The following NTF3 variants were observed in gnomAD, a reference collection of about 807,000 sequenced individuals.
The protein encoded by NTF3 is neurotrophin-3.
In NTF3, 8 loss-of-function variants were observed where a neutral mutation model predicts 26.3. The ratio of observed to expected loss-of-function variants is 0.30; its 90% CI spans 0.18 to 0.55. The LOEUF is 0.55. NTF3 is among the 20% of genes least tolerant of loss of function. The pLI is 0.93. For missense variants in NTF3, 276 were observed against 352.9 expected, an observed-to-expected ratio of 0.78 and a Z score of 1.75; for synonymous variants, 154 against 145.5, an observed-to-expected ratio of 1.06 and a Z score of -0.42.
chr12:5,470,778 C>T (rs1940654974), intron 1 of NTF3, among the ~76,000 whole-genome samples: 1 of 152,236 alleles, frequency 6.6e-6, no homozygotes, highest in Non-Finnish European at 1.5e-5. Context: ...GAGCATTCCC[C>T]TTATCTATGA....
chr12:5,488,031 G>A (rs192832046), intron 1 of NTF3, among the ~76,000 whole-genome samples: 3 of 152,254 alleles, frequency 2.0e-5, no homozygotes, highest in African/African-American at 7.2e-5. Flanking sequence ...GCCACTACCC[G>A]AGAGGTGTGC....
intron 1 of NTF3, among the ~76,000 whole-genome samples, chr12:5,468,412 A>G (rs1004445347): frequency 6.6e-6 from 1 of 152,146 alleles, no homozygotes; most frequent in African/African-American, 2.4e-5. Context: ...TGGGCCAAAA[A>G]CTAGTTATCA....
chr12:5,490,589 C>G (rs1940923548), intron 1 of NTF3, among the ~76,000 whole-genome samples: 1 of 152,186 alleles, frequency 6.6e-6, no homozygotes, highest in Non-Finnish European at 1.5e-5. Context: ...GACTCCCACC[C>G]CGGACATGGA....
intron 1 of NTF3, among the ~76,000 whole-genome samples, chr12:5,472,689 C>T (rs1403253637): frequency 2.6e-5 from 4 of 152,160 alleles, no homozygotes; most frequent in Non-Finnish European, 4.4e-5. Flanking sequence ...CTGCTGGTCT[C>T]TCTTCTCATT....
rs1940566693 is a variant in NTF3, at chr12:5,464,655, G to A, written c.19-29539G>A. ...ACTAACTGCTGAAGGTGAGTGTGAT[G>A]CAGGGCCAAGCTTCAGAACCTCTGA... On this transcript the variant is annotated intron_variant, in intron 1 of 1. Transcript: ENST00000423158. 2.6e-5 allele frequency among the ~76,000 whole-genome samples: 4 copies of A among 152,210 alleles called. 1 individual carries two copies. Among genetic ancestry groups the A allele is most frequent in the Admixed American group, 2.0e-4 (3 of 15,286 alleles).
chr12:5,432,068 C>T (rs964266497), upstream of NTF3: 6 of 461,354 alleles, frequency 1.3e-5, no homozygotes, highest in Admixed American at 3.2e-5. Context: ...GCCATCTGGC[C>T]GGGTTGGCTG....
At chr12:5,463,713 G>A (rs183931185) in intron 1 of NTF3, among the ~76,000 whole-genome samples, 54 of 152,212 alleles carry the variant, frequency 3.5e-4, no homozygotes, top group African/African-American at 9.4e-4. Context: ...GGTGCTTCCC[G>A]GTACTAAAAT....
At chr12:5,457,976 C>A (rs1940473811) in intron 1 of NTF3, among the ~76,000 whole-genome samples, 1 of 152,142 alleles carries the variant, frequency 6.6e-6, no homozygotes, top group Non-Finnish European at 1.5e-5. Context: ...TCAAAACCAC[C>A]ATTGTCTCTT....
intron 1 of NTF3, among the ~76,000 whole-genome samples, chr12:5,464,859 G>A (rs1940570095): frequency 6.6e-6 from 1 of 152,160 alleles, no homozygotes; most frequent in Admixed American, 6.5e-5. Flanking sequence ...TAGAGATGAA[G>A]AATATAAGCC....
chr12:5,432,071 G>T (rs1940098083), upstream of NTF3: 3 of 486,070 alleles, frequency 6.2e-6, no homozygotes, highest in Non-Finnish European at 1.1e-5. Flanking sequence ...ATCTGGCCGG[G>T]TTGGCTGGTT....
Position 5,433,204 on chromosome 12 carries a change from C to T in NTF3, c.18+862C>T, listed in dbSNP as rs555992042. ...CGCAGCCCGCACATCTGGGACCCCT[C>T]CGGGGAGCGGCGGGCACCCGGGCCC... On this transcript the variant is annotated intron_variant, in intron 1 of 1. Coordinates refer to ENST00000423158, the MANE Select transcript of NTF3 (RefSeq NM_001102654.2). This position sits in a 1 kb window ranked among gnomAD's most constrained non-coding sequence, Gnocchi z 4.6. 12 of 152,350 alleles carry T rather than the reference C, an allele frequency of 7.9e-5. No homozygotes were observed. Among genetic ancestry groups the T allele is most frequent in the Admixed American group, 7.8e-4 (12 of 15,310 alleles). 9.4% of individuals were successfully genotyped at this position (152,350 alleles called of 1,614,324 possible).
chr12:5,468,006 T>C (rs1399844785), intron 1 of NTF3, among the ~76,000 whole-genome samples: 1 of 152,134 alleles, frequency 6.6e-6, no homozygotes, highest in Non-Finnish European at 1.5e-5. Context: ...CCCCACATTT[T>C]CCCTCTGATG....
At chr12:5,441,867 C>T (rs1940241634) in intron 1 of NTF3, among the ~76,000 whole-genome samples, 1 of 152,230 alleles carries the variant, frequency 6.6e-6, no homozygotes, top group Non-Finnish European at 1.5e-5. Flanking sequence ...AAAGGCTGTT[C>T]TTACTCCCTT....
At chr12:5,438,273 CTT>C (rs1940197660) in intron 1 of NTF3, among the ~76,000 whole-genome samples, 1 of 152,118 alleles carries the variant, frequency 6.6e-6, no homozygotes. Context: ...ATAACTCAGT[CTT>C]TTGTTTTACC....
intron 1 of NTF3, among the ~76,000 whole-genome samples, chr12:5,440,754 C>A (rs897412600): frequency 6.6e-6 from 1 of 152,214 alleles, no homozygotes; most frequent in African/African-American, 2.4e-5. Context: ...GAGTTGGACT[C>A]ACTAGAGGGT....
chr12:5,467,614 G>A (rs1940609773), intron 1 of NTF3, among the ~76,000 whole-genome samples: 1 of 152,130 alleles, frequency 6.6e-6, no homozygotes, highest in African/African-American at 2.4e-5. Context: ...TATTTAATTG[G>A]AGGCACAAAA....
rs555092848 is a variant in NTF3, at chr12:5,460,190, CATT to C, written c.18+27853_18+27855del. Among the ~76,000 whole-genome samples, 104 of 152,324 alleles carry C rather than the reference CATT, an allele frequency of 6.8e-4. 1 individual carries two copies. Among genetic ancestry groups the C allele is most frequent in the African/African-American group, 2.4e-3 (98 of 41,570 alleles). ...AGTTAATAAGCAAATATTAGCCCAT[CATT>C]ATTAACTCAAGTCTATAGTTTACAT... On this transcript the variant is annotated intron_variant, in intron 1 of 1. Coordinates refer to ENST00000423158, the MANE Select transcript of NTF3 (RefSeq NM_001102654.2).
chr12:5,445,300 A>ATGTGTGTG (rs55994341), intron 1 of NTF3, among the ~76,000 whole-genome samples: 55 of 60,914 alleles, frequency 9.0e-4, no homozygotes, highest in African/African-American at 2.1e-3. Flanking sequence ...GTGTGTGTGT[A>ATGTGTGTG]TGTGTGTGTG....
chr12:5,456,507 C>T lies in NTF3; in HGVS notation c.18+24165C>T, dbSNP rs1219696006. 6.6e-6 allele frequency among the ~76,000 whole-genome samples: 1 copy of T among 152,128 alleles called. No individual in the cohort carries two copies. The highest frequency in any genetic ancestry group is 1.5e-5 in the Non-Finnish European group (1 of 68,032). On this transcript the variant is annotated intron_variant, in intron 1 of 1. Transcript: ENST00000423158. This position sits in a 1 kb window ranked among gnomAD's most constrained non-coding sequence, Gnocchi z 4.4. ...GCCAACGGCACCTAACCACCTCAGG[C>T]ACGGTGGACCTGGCTCCTCAGAGAG...
Sources: gnomAD v4.1 joint callset for allele counts (sites outside exome capture counted in the v4.1 genomes callset) on GRCh38, gnomAD v4.1.1 for gene constraint, Gnocchi (gnomAD v3.1) non-coding constraint, MANE v1.5 for transcripts, NCBI Gene and HGNC (gene_info 2026-07-23, HGNC 2026-07-21) for gene names.